NLRP14: variants seen among roughly 807,000 people sequenced by gnomAD.
NLRP14 encodes the protein NLR family pyrin domain containing 14, also known as NACHT, LRR and PYD domains-containing protein 14.
NLRP14 carries 105 observed loss-of-function variants against 94.7 expected under a neutral mutation model. The ratio of observed to expected loss-of-function variants is 1.11; its 90% CI spans 0.95 to 1.30. The LOEUF is 1.30. NLRP14 is among the 50% of genes most tolerant of loss of function. The pLI is 0.00. For missense variants in NLRP14, 1,362 were observed against 1,254.1 expected (o/e 1.09, Z -1.30); for synonymous variants, 508 against 459.9 (o/e 1.10, Z -1.34).
chr11:7,089,137 G>T, the NLRP14 span: 1 of 1,613,860 alleles, frequency 6.2e-7, no homozygotes, highest in South Asian at 1.1e-5. Context: ...GAAGCGGATC[G>T]CCCGGGGAAG....
the NLRP14 span, chr11:7,090,440 A>AT: frequency 8.8e-7 from 1 of 1,133,736 alleles, no homozygotes. Context: ...GATCGTCTCC[A>AT]TTTTTATGCT....
chr11:7,088,858 A>C, the NLRP14 span, among the ~76,000 whole-genome samples: 1 of 152,266 alleles, frequency 6.6e-6, no homozygotes. Context: ...AGACCGGGTC[A>C]GGTGAACAGG....
chr11:7,036,916 A>G (rs1424975560), intron 1 of NLRP14, among the ~76,000 whole-genome samples: 2 of 152,186 alleles, frequency 1.3e-5, no homozygotes, highest in Non-Finnish European at 2.9e-5. Context: ...GATCAAGAAG[A>G]TAGATTTCTA....
downstream of NLRP14, among the ~76,000 whole-genome samples, chr11:7,073,375 A>G (rs1463507554): frequency 6.6e-6 from 1 of 152,216 alleles, no homozygotes; most frequent in African/African-American, 2.4e-5. Context: ...TTTTTCTTTG[A>G]TAAGACTGTC....
chr11:7,043,628 C>A lies in NLRP14; in HGVS notation c.1602C>A (p.Gly534=), dbSNP rs1273627674. 1 of 1,613,960 alleles carries A rather than the reference C, an allele frequency of 6.2e-7. No homozygotes were observed. The highest frequency in any genetic ancestry group is 8.5e-7 in the Non-Finnish European group (1 of 1,180,014). ...CACAGATGAAGTGCTTTTTGTTTGG[C>A]CTTTTGAATGAAGATCGAGTAAAAC... ...HLTQMKCFLF[G]LLNEDRVKQL... Residue 534 remains glycine, a synonymous_variant, in exon 4 of 12, where the codon GGC becomes GGA. Transcript: ENST00000299481.
Position 7,046,779 on chromosome 11 carries a change from G to T in NLRP14, c.2070G>T (p.Met690Ile). The T allele has an allele frequency of 1.9e-6, 3 of 1,613,680 alleles. No individual in the cohort carries two copies. The highest frequency in any genetic ancestry group is 2.5e-6 in the Non-Finnish European group (3 of 1,179,618). Residue 690 changes from methionine to isoleucine, a missense_variant, in exon 5 of 12, where the codon ATG becomes ATT. By Grantham distance (10) the Met-to-Ile change is conservative. Coordinates refer to ENST00000299481, the MANE Select transcript of NLRP14 (RefSeq NM_176822.4). ...ATAGCAACCTTGATAAATCAGCAAT[G>T]AATATCCTGCATCATGAACTAAGGC... is the stretch of plus-strand genomic sequence containing the variant. ...LYHSNLDKSA[M>I]NILHHELRHP...
chr11:7,089,013 G>T, the NLRP14 span: 1 of 1,341,132 alleles, frequency 7.5e-7, no homozygotes, highest in Non-Finnish European at 1.0e-6. Context: ...CGGCGACTAG[G>T]CGCCGCCTGA....
At chr11:7,060,333 GC>G (rs889426754) in intron 9 of NLRP14, among the ~76,000 whole-genome samples, 3 of 151,972 alleles carry the variant, frequency 2.0e-5, no homozygotes, top group Non-Finnish European at 4.4e-5. Context: ...CCTTGGTTGT[GC>G]CCCAGTGAAT....
chr11:7,080,314 GT>G, the NLRP14 span, among the ~76,000 whole-genome samples: 1 of 152,168 alleles, frequency 6.6e-6, no homozygotes, highest in African/African-American at 2.4e-5. Context: ...AAGAATTGTT[GT>G]TGGAAAATGA....
chr11:7,083,648 TG>T, the NLRP14 span, among the ~76,000 whole-genome samples: 2 of 152,210 alleles, frequency 1.3e-5, no homozygotes, highest in African/African-American at 2.4e-5. Context: ...TGGTATTTTG[TG>T]CTTCAGAGGT....
At chr11:7,046,112 G>A (rs756334340) in intron 4 of NLRP14, among the ~76,000 whole-genome samples, 20 of 152,060 alleles carry the variant, frequency 1.3e-4, no homozygotes, top group African/African-American at 3.1e-4. Flanking sequence ...GTGTGCTTTT[G>A]TGTACCCTTT....
Position 7,058,315 on chromosome 11 carries a change from A to G in NLRP14, c.2498A>G (p.Glu833Gly). ...TGTGGTCTCACAGAGGCTGGCTGTG[A>G]GTATCTTTCTTTGGCTCTCATCAGC... Reference protein sequence around the residue: ...ESCGLTEAGCEYLSLALISNK... With the variant: ...ESCGLTEAGCGYLSLALISNK... The change falls in exon 8 of 12, where the codon GAG becomes GGG. Residue 833 changes from glutamate to glycine, a missense_variant. Transcript: ENST00000299481. The G allele has an allele frequency of 6.2e-7, 1 of 1,612,608 alleles. No individual in the cohort carries two copies. Among genetic ancestry groups the G allele is most frequent in the Non-Finnish European group, 8.5e-7 (1 of 1,178,910 alleles).
At chr11:7,027,125 A>C (rs1439853446) in intron 1 of NLRP14, among the ~76,000 whole-genome samples, 1 of 150,252 alleles carries the variant, frequency 6.7e-6, no homozygotes, top group Non-Finnish European at 1.5e-5. Flanking sequence ...CATGCACCTA[A>C]CTCCAGTAAT....
intron 11 of NLRP14, among the ~76,000 whole-genome samples, 177 bp from the exon 12 acceptor site, chr11:7,070,996 T>C (rs1396588713): frequency 6.6e-6 from 1 of 152,222 alleles, no homozygotes; most frequent in Admixed American, 6.5e-5. Flanking sequence ...TCCACTACTT[T>C]ATCTCCCTCA....
At chr11:7,039,832 T>G (rs1565014892) in intron 3 of NLRP14, 47 bp downstream of exon 3, 1 of 1,380,280 alleles carries the variant, frequency 7.2e-7, no homozygotes, top group Non-Finnish European at 1.0e-6. Flanking sequence ...TTCAAAGTTT[T>G]GATACAGGAC....
the NLRP14 span, chr11:7,090,393 G>A: frequency 4.9e-6 from 7 of 1,415,934 alleles, no homozygotes; most frequent in South Asian, 7.5e-5. Context: ...CTAGTACAAG[G>A]AAGAGTTGTT....
rs16921928 is a variant in NLRP14, at chr11:7,055,597, G to A, written c.2292-2080G>A. 8.3e-3 allele frequency among the ~76,000 whole-genome samples: 1,258 copies of A among 152,034 alleles called. 15 individuals carry two copies. The highest frequency in any genetic ancestry group is 0.028 in the African/African-American group (1,172 of 41,482). On this transcript the variant is annotated intron_variant, in intron 6 of 11. Transcript: ENST00000299481. ...AGGTAATGGCAGTTTTCTGATTCTT[G>A]TTTGCTAGCAGGACAGGAGAACTTA...
At chr11:7,074,052 C>G (rs551492366), downstream of NLRP14, among the ~76,000 whole-genome samples, 3 of 152,266 alleles carry the variant, frequency 2.0e-5, no homozygotes, top group East Asian at 5.8e-4. Flanking sequence ...CCAGGAGCCT[C>G]CAACTACCAG....
chr11:7,066,480 T>C (rs1057068729), intron 10 of NLRP14, among the ~76,000 whole-genome samples: 4 of 152,208 alleles, frequency 2.6e-5, no homozygotes, highest in Admixed American at 6.5e-5. Context: ...CTTTTTTTCA[T>C]ATGTTTGTTG....
Sources: gnomAD v4.1 joint callset for allele counts (sites outside exome capture counted in the v4.1 genomes callset) on GRCh38, gnomAD v4.1.1 for gene constraint, MANE v1.5 for transcripts, NCBI Gene and HGNC (gene_info 2026-07-23, HGNC 2026-07-21) for gene names.